The following CLGN variants were observed in gnomAD, a reference collection of about 807,000 sequenced individuals.
CLGN encodes calmegin.
Under a neutral mutation model 79.1 loss-of-function variants are expected in CLGN, and 62 were observed. The observed-to-expected ratio is 0.78, with a 90% confidence interval of 0.64 to 0.97. The LOEUF is 0.97. Among genes scored for constraint, CLGN ranks in the 50% least tolerant of loss-of-function variants. The probability of loss-of-function intolerance (pLI) is 0.00; values close to 1 mark genes in which losing one functional copy is unlikely to be tolerated. For synonymous variants in CLGN, 225 were observed against 224.7 expected, an observed-to-expected ratio of 1.00 and a Z score of -0.01; for missense variants, 647 against 715.5, an observed-to-expected ratio of 0.90 and a Z score of 1.09.
chr4:140,424,311 A>T (rs1398550151), intron 1 of CLGN, among the ~76,000 whole-genome samples: 2 of 152,066 alleles, frequency 1.3e-5, no homozygotes, highest in East Asian at 3.9e-4. Context: ...ATATTTGTGA[A>T]TTTTTCTTGT....
intron 4 of CLGN, among the ~76,000 whole-genome samples, chr4:140,408,344 T>C (rs1399525826): frequency 1.3e-5 from 2 of 152,132 alleles, no homozygotes; most frequent in African/African-American, 4.8e-5. Context: ...CTAATTAAAC[T>C]AAAAAGCTTC....
intron 5 of CLGN, among the ~76,000 whole-genome samples, chr4:140,404,786 C>G (rs1011774629): frequency 2.6e-5 from 4 of 152,026 alleles, no homozygotes; most frequent in Non-Finnish European, 5.9e-5. Flanking sequence ...TCCAGAGTAG[C>G]TGGGACTACA....
At chr4:140,416,109 C>A (rs1264141267) in intron 1 of CLGN, among the ~76,000 whole-genome samples, 2 of 58,736 alleles carry the variant, frequency 3.4e-5, no homozygotes, top group Non-Finnish European at 3.0e-5. Context: ...CTACTGGGTA[C>A]ATAACGAAAT....
At chr4:140,394,676 C>T (rs1728835759) in intron 10 of CLGN, among the ~76,000 whole-genome samples, 1 of 152,044 alleles carries the variant, frequency 6.6e-6, no homozygotes, top group African/African-American at 2.4e-5. Flanking sequence ...AAGAGACAGA[C>T]ATCAAACAAA....
At chr4:140,402,637 A>C (rs1220196057) in intron 5 of CLGN, among the ~76,000 whole-genome samples, 1 of 152,122 alleles carries the variant, frequency 6.6e-6, no homozygotes, top group Non-Finnish European at 1.5e-5. Flanking sequence ...GGAAATTTTC[A>C]CTGTTTAGTA....
chr4:140,389,716 T>TAAAAA (rs1728738483), intron 14 of CLGN, among the ~76,000 whole-genome samples: 1 of 151,818 alleles, frequency 6.6e-6, no homozygotes, highest in Admixed American at 6.6e-5. Context: ...ATATTCATAC[T>TAAAAA]AAATAATGGT....
chr4:140,396,763 G>A (rs1180154701), intron 8 of CLGN, among the ~76,000 whole-genome samples: 1 of 150,378 alleles, frequency 6.6e-6, no homozygotes, highest in Non-Finnish European at 1.5e-5. Context: ...TCACTATGTT[G>A]GCCAGGTTGG....
At chr4:140,404,242 T>C (rs555669445) in intron 5 of CLGN, among the ~76,000 whole-genome samples, 36 of 151,794 alleles carry the variant, frequency 2.4e-4, no homozygotes, top group South Asian at 8.3e-4. Flanking sequence ...TACAGGCGCC[T>C]GCCACCACAC....
At chr4:140,426,030 AG>A (rs1729562003) in intron 1 of CLGN, among the ~76,000 whole-genome samples, 1 of 152,192 alleles carries the variant, frequency 6.6e-6, no homozygotes, top group South Asian at 2.1e-4. Context: ...TGGCTGACTG[AG>A]GATCCGACCA....
chr4:140,425,429 G>GGTGTGGGTGT (rs1553946835), intron 1 of CLGN, among the ~76,000 whole-genome samples: 1 of 116,888 alleles, frequency 8.6e-6, no homozygotes, highest in East Asian at 2.6e-4. Flanking sequence ...GAATCAATAG[G>GGTGTGGGTGT]GTGTGTGTGT....
intron 12 of CLGN, 37 bp downstream of exon 12, chr4:140,392,549 T>A (rs770112486): frequency 6.4e-7 from 1 of 1,564,902 alleles, no homozygotes; most frequent in Non-Finnish European, 8.6e-7. Flanking sequence ...ACAAGAAATT[T>A]GGGTGAAAAA....
intron 6 of CLGN, 148 bp from the exon 7 acceptor site, chr4:140,400,697 G>A: frequency 3.6e-6 from 2 of 549,266 alleles, no homozygotes; most frequent in Admixed American, 3.8e-5. Context: ...TGACAATAAA[G>A]GACATGGGAA....
At chr4:140,400,632 T>C in intron 6 of CLGN, 83 bp from the exon 7 acceptor site, 1 of 798,008 alleles carries the variant, frequency 1.3e-6, no homozygotes, top group Non-Finnish European at 1.9e-6. Flanking sequence ...ATGGGTAGAG[T>C]TTACAAAAAT....
chr4:140,403,874 A>G (rs1170773040), intron 5 of CLGN, among the ~76,000 whole-genome samples: 1 of 152,214 alleles, frequency 6.6e-6, no homozygotes, highest in Non-Finnish European at 1.5e-5. Flanking sequence ...AACCAAGGAC[A>G]TATGCAGAGT....
At chr4:140,389,505 A>T (rs190581817) in intron 14 of CLGN, among the ~76,000 whole-genome samples, 144 of 152,004 alleles carry the variant, frequency 9.5e-4, no homozygotes, top group African/African-American at 3.4e-3. Flanking sequence ...ACACATACAC[A>T]TAAGAAGACG....
intron 1 of CLGN, among the ~76,000 whole-genome samples, chr4:140,424,996 A>G (rs1729534762): frequency 6.6e-6 from 1 of 152,180 alleles, no homozygotes; most frequent in African/African-American, 2.4e-5. Context: ...CCACCCCCAA[A>G]TTACAAATTA....
intron 1 of CLGN, among the ~76,000 whole-genome samples, chr4:140,418,327 G>T (rs1253438405): frequency 6.7e-6 from 1 of 148,300 alleles, no homozygotes; most frequent in East Asian, 2.0e-4. Context: ...AAAAGCAATG[G>T]CAACAAAAGC....
At chr4:140,391,991 AG>A (rs1354353056) in intron 13 of CLGN, among the ~76,000 whole-genome samples, 1 of 151,956 alleles carries the variant, frequency 6.6e-6, no homozygotes, top group African/African-American at 2.4e-5. Flanking sequence ...TAGGCTCTCA[AG>A]CAACTGAACA....
At position 140,392,392 on chromosome 4, in the gene CLGN, C is replaced by A; in HGVS notation, c.1492-14G>T. 1.3e-6 allele frequency: 2 copies of A among 1,576,558 alleles called. No individual in the cohort carries two copies. The highest frequency in any genetic ancestry group is 1.7e-6 in the Non-Finnish European group (2 of 1,167,054). Reference sequence around the variant, plus strand: ...TTTATGTTTTTTCTGTGGTAGTTAACATAAGTTATTTTTACTAAAGGCAGA... The same window carrying A: ...TTTATGTTTTTTCTGTGGTAGTTAAAATAAGTTATTTTTACTAAAGGCAGA... On this transcript the variant is annotated splice_polypyrimidine_tract_variant and intron_variant, in intron 12 of 14. Coordinates refer to ENST00000325617, the MANE Select transcript of CLGN (RefSeq NM_004362.3).
Sources: allele counts gnomAD v4.1 joint callset (sites outside exome capture counted in the v4.1 genomes callset), GRCh38; gene constraint gnomAD v4.1.1; transcripts MANE v1.5; gene names NCBI Gene and HGNC (gene_info 2026-07-23, HGNC 2026-07-21).